The following GINS4 variants were observed in gnomAD, a reference collection of about 807,000 sequenced individuals.
GINS4 encodes DNA replication complex GINS protein SLD5.
GINS4 carries 20 observed loss-of-function variants against 31.1 expected under a neutral mutation model. The ratio of observed to expected loss-of-function variants is 0.64; its 90% CI spans 0.45 to 0.93. GINS4 has a LOEUF of 0.93. Among genes scored for constraint, GINS4 ranks in the 40% least tolerant of loss-of-function variants. GINS4 has a pLI of 0.00. For missense variants in GINS4, 245 were observed against 273.9 expected, an observed-to-expected ratio of 0.89 and a Z score of 0.75; for synonymous variants, 85 against 97.9, an observed-to-expected ratio of 0.87 and a Z score of 0.78.
chr8:41,531,528 G>A (rs1806647922), intron 2 of GINS4, among the ~76,000 whole-genome samples: 1 of 152,120 alleles, frequency 6.6e-6, no homozygotes, highest in Non-Finnish European at 1.5e-5. Flanking sequence ...TGACAAAACG[G>A]AACTAAAATG....
At chr8:41,535,279 A>C (rs899110948) in intron 2 of GINS4, among the ~76,000 whole-genome samples, 1 of 152,184 alleles carries the variant, frequency 6.6e-6, no homozygotes, top group Non-Finnish European at 1.5e-5. Flanking sequence ...CAGAGGCTGC[A>C]GTGAGCTGGG....
At chr8:41,533,806 C>T (rs771711967) in intron 2 of GINS4, among the ~76,000 whole-genome samples, 9 of 152,140 alleles carry the variant, frequency 5.9e-5, no homozygotes, top group Non-Finnish European at 8.8e-5. Context: ...AGGCTGAGGT[C>T]AAAGTGCCAG....
chr8:41,539,825 G>A, intron 5 of GINS4, 50 bp downstream of exon 5: 4 of 1,584,646 alleles, frequency 2.5e-6, no homozygotes, highest in South Asian at 1.1e-5. Flanking sequence ...TCAGCATGAG[G>A]CCTGTCCTAG....
Position 41,542,247 on chromosome 8 carries a change from G to A in GINS4, c.*160G>A, listed in dbSNP as rs1806855895. On this transcript the variant is annotated 3_prime_UTR_variant, in exon 8 of 8. Coordinates refer to ENST00000276533, the MANE Select transcript of GINS4 (RefSeq NM_032336.3). ...AATACAAAATAATTAGCCGGGTGTT[G>A]GTGGTGTGCACCTGTAATCCCAGCT... The A allele has an allele frequency of 3.2e-6, 2 of 632,656 alleles. No individual in the cohort carries two copies. Among genetic ancestry groups the A allele is most frequent in the African/African-American group, 1.8e-5 (1 of 55,476 alleles). 39.2% of individuals were successfully genotyped at this position (632,656 alleles called of 1,614,324 possible). A position where few individuals can be genotyped will look rare whatever the true frequency, so the allele number is the denominator to read the frequency against.
chr8:41,541,563 G>C (rs1806841499), intron 6 of GINS4, among the ~76,000 whole-genome samples: 1 of 152,172 alleles, frequency 6.6e-6, no homozygotes, highest in South Asian at 2.1e-4. Flanking sequence ...GAGCAAGTCA[G>C]ACCCATACCA....
At chr8:41,530,036 A>G (rs899114621) in intron 1 of GINS4, 148 bp from the exon 2 acceptor site, 7 of 573,382 alleles carry the variant, frequency 1.2e-5, no homozygotes, top group Non-Finnish European at 1.9e-5. Context: ...CTGGAAAACT[A>G]GAGTCCCTGC....
At chr8:41,540,665 C>A in intron 6 of GINS4, among the ~76,000 whole-genome samples, 1 of 152,230 alleles carries the variant, frequency 6.6e-6, no homozygotes, top group East Asian at 1.9e-4. Context: ...GGATAAAGCC[C>A]ATGTTCCTCA....
In GINS4 at chr8:41,542,290, A is replaced by G. The variant is rs1806856487; in HGVS notation, c.*203A>G. ...TCCCAGCTACTCAGGAGGCCGGGGC[A>G]GGAGAATCGCTTGAACCTGGGAGCA... is the stretch of plus-strand genomic sequence containing the variant. On this transcript the variant is annotated 3_prime_UTR_variant, in exon 8 of 8. Transcript: ENST00000276533. The G allele has an allele frequency of 3.6e-6, 2 of 560,036 alleles. No homozygotes were observed. The highest frequency in any genetic ancestry group is 3.1e-5 in the East Asian group (1 of 31,980). 34.7% of individuals were successfully genotyped at this position (560,036 alleles called of 1,614,324 possible).
rs1200420992 is a variant in GINS4, at chr8:41,542,121, A to G, written c.*34A>G. ...ATAAACAGCCAGGCATGGTGACTCA[A>G]GCCTGTAATCCCAGCACTTTGGGAG... is the stretch of plus-strand genomic sequence containing the variant. On this transcript the variant is annotated 3_prime_UTR_variant, in exon 8 of 8. Coordinates refer to ENST00000276533, the MANE Select transcript of GINS4 (RefSeq NM_032336.3). The G allele has an allele frequency of 1.4e-5, 21 of 1,524,196 alleles. No individual in the cohort carries two copies. The highest frequency in any genetic ancestry group is 1.8e-5 in the Non-Finnish European group (20 of 1,098,872). The allele number at this position is 1,524,196 out of a possible 1,614,324, so 94.4% of individuals were successfully genotyped here.
chr8:41,536,283 T>A, intron 2 of GINS4, 77 bp from the exon 3 acceptor site: 2 of 873,984 alleles, frequency 2.3e-6, no homozygotes, highest in East Asian at 2.4e-5. Context: ...CTGGTTTTCG[T>A]TGGACTTGGG....
At chr8:41,529,494 C>T (rs1203115098) in intron 1 of GINS4, 98 bp downstream of exon 1, 2 of 152,288 alleles carry the variant, frequency 1.3e-5, no homozygotes, top group Non-Finnish European at 2.9e-5. Context: ...CCTTGCGACC[C>T]CAGGGACTTT....
intron 2 of GINS4, among the ~76,000 whole-genome samples, chr8:41,533,393 G>A (rs186207661): frequency 1.1e-3 from 162 of 152,294 alleles, no homozygotes; most frequent in African/African-American, 3.7e-3. Flanking sequence ...GAGCATCATC[G>A]GGGTCCTTGA....
intron 4 of GINS4, chr8:41,537,832 C>T (rs1806768005): frequency 1.3e-5 from 2 of 151,944 alleles, no homozygotes; most frequent in Non-Finnish European, 2.9e-5. Context: ...ACCAGCCTGA[C>T]CAACAAGGTG....
At chr8:41,541,782 C>G in intron 6 of GINS4, 27 bp from the exon 7 acceptor site, 2 of 1,582,234 alleles carry the variant, frequency 1.3e-6, no homozygotes, top group African/African-American at 1.3e-5. Flanking sequence ...CGAGGATTTC[C>G]TAATCACATT....
chr8:41,532,251 A>G (rs969630945), intron 2 of GINS4, among the ~76,000 whole-genome samples: 9 of 151,070 alleles, frequency 6.0e-5, no homozygotes, highest in African/African-American at 2.2e-4. Flanking sequence ...CTGATACCTC[A>G]GAGAAGAAGA....
chr8:41,539,676 A>G lies in GINS4; in HGVS notation c.298-2A>G. 1 of 1,606,386 alleles carries G rather than the reference A, an allele frequency of 6.2e-7. No homozygotes were observed. The highest frequency in any genetic ancestry group is 8.5e-7 in the Non-Finnish European group (1 of 1,173,316). On this transcript the variant is annotated splice_acceptor_variant, in intron 4 of 7. Coordinates refer to ENST00000276533, the MANE Select transcript of GINS4 (RefSeq NM_032336.3). LOFTEE classifies it high-confidence loss of function. The stretch of plus-strand genomic sequence containing the variant: ...CATGAAGATTTTGCTTTATCCTCAC[A>G]GATAGAGAAGTTTTTCCCTCATGTC...
intron 2 of GINS4, 55 bp from the exon 3 acceptor site, chr8:41,536,305 G>T (rs968428250): frequency 3.8e-5 from 40 of 1,060,060 alleles, no homozygotes; most frequent in Non-Finnish European, 5.3e-5. Context: ...TGACTCACTG[G>T]GTTGTTTAGC....
chr8:41,540,828 G>A (rs559882987), intron 6 of GINS4, among the ~76,000 whole-genome samples: 1 of 152,318 alleles, frequency 6.6e-6, no homozygotes, highest in African/African-American at 2.4e-5. Flanking sequence ...TGCGGTGGTG[G>A]AACAGGGTCT....
At chr8:41,535,703 C>G (rs183782012) in intron 2 of GINS4, among the ~76,000 whole-genome samples, 5 of 152,306 alleles carry the variant, frequency 3.3e-5, no homozygotes, top group African/African-American at 1.2e-4. Flanking sequence ...TATTTCAGTT[C>G]TCTAAGCCTT....
Sources: gnomAD v4.1 joint callset for allele counts (sites outside exome capture counted in the v4.1 genomes callset) on GRCh38, gnomAD v4.1.1 for gene constraint, MANE v1.5 for transcripts, NCBI Gene and HGNC (gene_info 2026-07-23, HGNC 2026-07-21) for gene names.